USP15: variants seen among roughly 807,000 people sequenced by gnomAD.
The protein encoded by USP15 is ubiquitin specific peptidase 15, also known as ubiquitin carboxyl-terminal hydrolase 15.
A neutral mutation model predicts 127.1 loss-of-function variants in USP15; 18 were observed. The observed-to-expected ratio is 0.14, with a 90% CI of 0.10 to 0.21. The LOEUF is 0.21. USP15 is among the 10% of genes least tolerant of loss of function. The probability of loss-of-function intolerance (pLI) is 1.00; values close to 1 mark genes in which losing one functional copy is unlikely to be tolerated. For synonymous variants in USP15, 364 were observed against 393.7 expected (o/e 0.92, Z 0.89); for missense variants, 805 against 1,159.9 (o/e 0.69, Z 4.44).
intron 8 of USP15, among the ~76,000 whole-genome samples, chr12:62,365,437 A>G (rs1181049044): frequency 6.6e-6 from 1 of 151,972 alleles, no homozygotes; most frequent in Non-Finnish European, 1.5e-5. Context: ...AGTTCTTTGT[A>G]GATTCTGGAT....
chr12:62,401,020 T>C, intron 20 of USP15, 167 bp from the exon 21 acceptor site: 1 of 466,792 alleles, frequency 2.1e-6, no homozygotes, highest in Non-Finnish European at 3.8e-6. Context: ...TGGCATCTAA[T>C]TGTAGAAATT....
intron 1 of USP15, among the ~76,000 whole-genome samples, chr12:62,292,993 A>G (rs2064020043): frequency 6.6e-6 from 1 of 152,142 alleles, no homozygotes; most frequent in Non-Finnish European, 1.5e-5. Flanking sequence ...CCTGATGGAT[A>G]TGCTCTGATA....
intron 1 of USP15, among the ~76,000 whole-genome samples, chr12:62,289,434 G>A (rs2063887610): frequency 6.6e-6 from 1 of 152,020 alleles, no homozygotes; most frequent in Non-Finnish European, 1.5e-5. Context: ...TTGTATTTCT[G>A]CAGTATCCGT....
chr12:62,285,221 T>A (rs2063755472), intron 1 of USP15, among the ~76,000 whole-genome samples: 1 of 152,188 alleles, frequency 6.6e-6, no homozygotes, highest in South Asian at 2.1e-4. Context: ...GTGTATATTG[T>A]ACTCATTTAA....
At chr12:62,312,461 C>G (rs1410589511) in intron 3 of USP15, among the ~76,000 whole-genome samples, 1 of 151,608 alleles carries the variant, frequency 6.6e-6, no homozygotes, top group Non-Finnish European at 1.5e-5. Flanking sequence ...CCTCTGTAAA[C>G]TTATATGTAG....
At chr12:62,350,006 A>G (rs567544112) in intron 7 of USP15, among the ~76,000 whole-genome samples, 1 of 151,954 alleles carries the variant, frequency 6.6e-6, no homozygotes, top group Non-Finnish European at 1.5e-5. Context: ...TGATCTAGAG[A>G]TGATTATCCT....
chr12:62,300,968 C>T (rs1262439063), intron 2 of USP15, among the ~76,000 whole-genome samples: 3 of 152,042 alleles, frequency 2.0e-5, no homozygotes, highest in Non-Finnish European at 4.4e-5. Context: ...AAGATATTTA[C>T]AATCATGTAG....
chr12:62,414,065 T>G lies in USP15; in HGVS notation c.*9690T>G, dbSNP rs2068098494. Reference sequence around the variant, plus strand: ...GATGGGGAATGGCCAGTGGAGCAGTTGGAACACACACGTCTGTGCCCTCAA... The same window carrying G: ...GATGGGGAATGGCCAGTGGAGCAGTGGGAACACACACGTCTGTGCCCTCAA... On this transcript the variant is annotated 3_prime_UTR_variant, in exon 22 of 22. Transcript: ENST00000280377. 6.6e-6 allele frequency: 1 copy of G among 152,166 alleles called. No individual in the cohort carries two copies. Among genetic ancestry groups the G allele is most frequent in the South Asian group, 2.1e-4 (1 of 4,832 alleles). 9.4% of individuals were successfully genotyped at this position (152,166 alleles called of 1,614,324 possible). A position where few individuals can be genotyped will look rare whatever the true frequency, so the allele number is the denominator to read the frequency against.
intron 1 of USP15, among the ~76,000 whole-genome samples, chr12:62,283,616 G>A (rs73135269): frequency 0.077 from 11,694 of 152,218 alleles, 582 homozygotes; most frequent in Middle Eastern, 0.16. Context: ...ACTACTAAGA[G>A]TTCAGGATGC....
At chr12:62,378,347 A>G (rs919229693) in intron 8 of USP15, among the ~76,000 whole-genome samples, 3 of 152,228 alleles carry the variant, frequency 2.0e-5, no homozygotes, top group South Asian at 2.1e-4. Context: ...TAGTAGAACA[A>G]TTATATTGAC....
chr12:62,402,942 T>C (rs1245226643), intron 21 of USP15, among the ~76,000 whole-genome samples: 2 of 152,064 alleles, frequency 1.3e-5, no homozygotes, highest in African/African-American at 4.8e-5. Context: ...AGAATGGATT[T>C]ATGAGATATT....
At chr12:62,316,422 T>C (rs988632527) in intron 4 of USP15, among the ~76,000 whole-genome samples, 1 of 152,078 alleles carries the variant, frequency 6.6e-6, no homozygotes, top group Non-Finnish European at 1.5e-5. Flanking sequence ...TTGTAGAATA[T>C]ATTCAGGAAA....
intron 6 of USP15, among the ~76,000 whole-genome samples, chr12:62,347,951 C>T (rs145050482): frequency 2.6e-5 from 4 of 152,226 alleles, no homozygotes; most frequent in Non-Finnish European, 4.4e-5. Context: ...CCTGTAGTCC[C>T]AGTGCTTTGG....
chr12:62,320,418 C>G lies in USP15; in HGVS notation c.476-1046C>G, dbSNP rs1284264612. ...CATGCTTCTTGTACAGCCCATGGAA[C>G]TGTAAGTCAATTAAACCTCTTTTCT... is the stretch of plus-strand genomic sequence containing the variant. On this transcript the variant is annotated intron_variant, in intron 4 of 21. Coordinates refer to ENST00000280377, the MANE Select transcript of USP15 (RefSeq NM_001252078.2). Among the ~76,000 whole-genome samples, 4 of 152,330 alleles carry G rather than the reference C, an allele frequency of 2.6e-5. No individual in the cohort carries two copies. The South Asian group carries it at 8.3e-4, about 32-fold the overall frequency.
chr12:62,411,890 T>A lies in USP15; in HGVS notation c.*7515T>A, dbSNP rs2068049314. ...CATCTCTTTTTTATAAGGGCACTAA[T>A]CCCGTCATGAAGCCCTCACCCTCAT... On this transcript the variant is annotated 3_prime_UTR_variant, in exon 22 of 22. Coordinates refer to ENST00000280377, the MANE Select transcript of USP15 (RefSeq NM_001252078.2). 1.3e-5 allele frequency: 2 copies of A among 152,100 alleles called. No individual in the cohort carries two copies. Among genetic ancestry groups the A allele is most frequent in the Non-Finnish European group, 2.9e-5 (2 of 68,058 alleles). The allele number at this position is 152,100 out of a possible 1,614,324, so 9.4% of individuals were successfully genotyped here. A position where few individuals can be genotyped will look rare whatever the true frequency, so the allele number is the denominator to read the frequency against.
chr12:62,339,441 G>A (rs942194650), intron 6 of USP15, among the ~76,000 whole-genome samples: 1 of 152,116 alleles, frequency 6.6e-6, no homozygotes, highest in Non-Finnish European at 1.5e-5. Flanking sequence ...AATAGGAGTG[G>A]TGAGAGGGCA....
In USP15 at chr12:62,410,174, C is replaced by T. The variant is rs577582107; in HGVS notation, c.*5799C>T. 2 of 152,028 alleles carry T rather than the reference C, an allele frequency of 1.3e-5. No individual in the cohort carries two copies. Among genetic ancestry groups the T allele is most frequent in the Non-Finnish European group, 2.9e-5 (2 of 68,000 alleles). The allele number at this position is 152,028 out of a possible 1,614,324, so 9.4% of individuals were successfully genotyped here. ...CAATATTTAAATTGTCTGATAAGTT[C>T]ATCCAAATTAATCCCATCATGCCTG... On this transcript the variant is annotated 3_prime_UTR_variant, in exon 22 of 22. Transcript: ENST00000280377.
chr12:62,395,800 T>C (rs1331991709), intron 19 of USP15, among the ~76,000 whole-genome samples: 1 of 151,884 alleles, frequency 6.6e-6, no homozygotes, highest in Non-Finnish European at 1.5e-5. Flanking sequence ...TCCAGTTCCA[T>C]CCATGTTGTT....
intron 1 of USP15, chr12:62,274,357 G>A (rs891355354): frequency 2.0e-5 from 3 of 150,270 alleles, no homozygotes; most frequent in Non-Finnish European, 4.4e-5. Context: ...TTAATATTAG[G>A]CAATTAAGCA....
Sources: gnomAD v4.1 joint callset for allele counts (sites outside exome capture counted in the v4.1 genomes callset) on GRCh38, gnomAD v4.1.1 for gene constraint, MANE v1.5 for transcripts, NCBI Gene and HGNC (gene_info 2026-07-23, HGNC 2026-07-21) for gene names.